Variants in GLI2 observed in about 807,000 individuals in gnomAD.
The protein encoded by GLI2 is transcription activator GLI2.
In GLI2, 22 loss-of-function variants were observed where a neutral mutation model predicts 78.9. The ratio of observed to expected loss-of-function variants is 0.28; its 90% CI spans 0.20 to 0.40. The LOEUF (loss-of-function observed/expected upper bound fraction) is 0.40, where lower values mean the gene tolerates loss of function less well. Among genes scored for constraint, GLI2 ranks in the 10% least tolerant of loss-of-function variants. The probability of loss-of-function intolerance (pLI) is 1.00; values close to 1 mark genes in which losing one functional copy is unlikely to be tolerated. For synonymous variants in GLI2, 974 were observed against 963.7 expected, an observed-to-expected ratio of 1.01 and a Z score of -0.20; for missense variants, 2,097 against 2,213.2, an observed-to-expected ratio of 0.95 and a Z score of 1.05.
chr2:120,755,029 T>G lies in GLI2; in HGVS notation c.-31+18744T>G, dbSNP rs145388229. ...ACCATGCCCAGCTAATTTTTGTATTTTTAGTAGAGACGGGTTTCACCATGT... is the reference window on the plus strand; with the variant it reads ...ACCATGCCCAGCTAATTTTTGTATTGTTAGTAGAGACGGGTTTCACCATGT... On this transcript the variant is annotated intron_variant, in intron 1 of 13. Coordinates refer to ENST00000361492, the MANE Select transcript of GLI2 (RefSeq NM_001374353.1). Among the ~76,000 whole-genome samples, 625 of 152,188 alleles carry G rather than the reference T, an allele frequency of 4.1e-3. 6 individuals are homozygous for G. The highest frequency in any genetic ancestry group is 0.014 in the African/African-American group (590 of 41,510).
intron 2 of GLI2, among the ~76,000 whole-genome samples, chr2:120,917,085 G>C (rs1679139499): frequency 6.6e-6 from 1 of 152,230 alleles, no homozygotes; most frequent in East Asian, 1.9e-4. Flanking sequence ...CCTTAGCCAT[G>C]CAAACAGCAA....
intron 1 of GLI2, among the ~76,000 whole-genome samples, chr2:120,756,393 GC>G: frequency 6.6e-6 from 1 of 151,928 alleles, no homozygotes. Flanking sequence ...TATTTATATT[GC>G]TTTTATATCC....
At chr2:120,898,156 T>A (rs907418325) in intron 2 of GLI2, among the ~76,000 whole-genome samples, 13 of 142,920 alleles carry the variant, frequency 9.1e-5, no homozygotes, top group African/African-American at 3.5e-4. Flanking sequence ...CGCAATGGCA[T>A]AAGGCACTGA....
intron 1 of GLI2, among the ~76,000 whole-genome samples, chr2:120,764,640 G>A (rs566675175): frequency 2.6e-5 from 4 of 152,298 alleles, no homozygotes; most frequent in South Asian, 2.1e-4. Flanking sequence ...TCCCCTTTGC[G>A]CAGGCTGCTG....
chr2:120,767,079 G>A (rs1271021061), intron 1 of GLI2, among the ~76,000 whole-genome samples: 3 of 152,206 alleles, frequency 2.0e-5, no homozygotes, highest in Admixed American at 6.5e-5. Context: ...CGAAATTGCC[G>A]GGAAGGCCCG....
chr2:120,818,442 T>C (rs748934536), intron 2 of GLI2, among the ~76,000 whole-genome samples: 7 of 152,196 alleles, frequency 4.6e-5, no homozygotes, highest in Non-Finnish European at 8.8e-5. Context: ...CTGGGTGCAT[T>C]TAGTGCAGAC....
intron 1 of GLI2, 51 bp from the exon 2 acceptor site, chr2:120,797,240 C>G: frequency 6.8e-7 from 1 of 1,466,024 alleles, no homozygotes; most frequent in Non-Finnish European, 9.6e-7. Context: ...TCGGCGTTTC[C>G]CGGCTGGGTT....
Position 120,760,933 on chromosome 2 carries a change from C to T in GLI2, c.-31+24648C>T, listed in dbSNP as rs114591182. On this transcript the variant is annotated intron_variant, in intron 1 of 13. Transcript: ENST00000361492. ...TCTTGCGCAATCCTGCTGGGCAGCC[C>T]AGTGACTGTGAGGTCTGCTGAGGTG... 2.9e-3 allele frequency among the ~76,000 whole-genome samples: 446 copies of T among 152,294 alleles called. 3 individuals are homozygous for T. The highest frequency in any genetic ancestry group is 1.0e-2 in the African/African-American group (415 of 41,552).
At chr2:120,978,338 TGG>T in intron 9 of GLI2, 94 bp from the exon 10 acceptor site, 1 of 1,336,614 alleles carries the variant, frequency 7.5e-7, no homozygotes, top group African/African-American at 1.6e-5. Context: ...CGGGGAGGGC[TGG>T]GGGGGTGCCG....
chr2:120,855,053 C>T (rs557112880), intron 2 of GLI2, among the ~76,000 whole-genome samples: 1 of 152,358 alleles, frequency 6.6e-6, no homozygotes, highest in South Asian at 2.1e-4. Flanking sequence ...CTGATTTCCT[C>T]ATCTAATTTG....
chr2:120,836,987 T>A (rs375718221), intron 2 of GLI2, among the ~76,000 whole-genome samples: 108 of 152,332 alleles, frequency 7.1e-4, no homozygotes, highest in African/African-American at 2.5e-3. Context: ...TTTTGCAACG[T>A]ATTGGACGTT....
In GLI2 at chr2:120,797,351, G is replaced by A. The variant is rs574656730; in HGVS notation, c.31G>A (p.Glu11Lys). The A allele has an allele frequency of 1.3e-5, 21 of 1,614,086 alleles. No individual in the cohort carries two copies. In the Middle Eastern group the frequency reaches 6.6e-4, roughly 51 times the overall value. Reference sequence around the variant, plus strand: ...GACGTCTGCCTCAGCCACTGCCTCCGAGAAGCAAGAAGCCAAAAGTGGGAT... The same window carrying A: ...GACGTCTGCCTCAGCCACTGCCTCCAAGAAGCAAGAAGCCAAAAGTGGGAT... METSASATAS[E>K]KQEAKSGILE... is the part of the protein sequence containing the mutation. Residue 11 changes from glutamate (E) to lysine (K), a missense_variant, in exon 2 of 14, where the codon GAG becomes AAG. By Grantham distance (56) the Glu-to-Lys change is moderately conservative. Coordinates refer to ENST00000361492, the MANE Select transcript of GLI2 (RefSeq NM_001374353.1).
At chr2:120,883,479 C>T (rs934793766) in intron 2 of GLI2, among the ~76,000 whole-genome samples, 1 of 152,168 alleles carries the variant, frequency 6.6e-6, no homozygotes, top group Admixed American at 6.5e-5. Context: ...AGAGCGAAAC[C>T]TTGTCTCAAA....
chr2:120,759,312 G>T (rs1336776487), intron 1 of GLI2, among the ~76,000 whole-genome samples: 1 of 152,130 alleles, frequency 6.6e-6, no homozygotes, highest in Non-Finnish European at 1.5e-5. Context: ...CCCACAGGTT[G>T]AGAGCTCAGT....
At position 120,971,976 on chromosome 2, in the gene GLI2, C is replaced by T. The variant is rs374705620; in HGVS notation, c.1095C>T (p.Thr365=). Residue 365 remains threonine, a synonymous_variant, in exon 8 of 14, where the codon ACC becomes ACT. Transcript: ENST00000361492. ...GCAGTGAGTCGGCCGTCAGCAGCAC[C>T]GTCAACCCTGTCGCCATTCACAAGC... ...KQSSESAVSS[T]VNPVAIHKRS... The T allele has an allele frequency of 2.8e-5, 45 of 1,613,458 alleles. No homozygotes were observed. The highest frequency in any genetic ancestry group is 8.9e-5 in the East Asian group (4 of 44,898).
At chr2:120,804,642 C>A (rs746345) in intron 2 of GLI2, among the ~76,000 whole-genome samples, 74,775 of 152,114 alleles carry the variant, frequency 0.49, 21,438 homozygotes, top group South Asian at 0.7. Context: ...ATTTTCAGGA[C>A]GGCTGTTGAT....
intron 4 of GLI2, among the ~76,000 whole-genome samples, chr2:120,952,143 A>G (rs1681026113): frequency 6.6e-6 from 1 of 152,262 alleles, no homozygotes. Flanking sequence ...TTTAGGGGCC[A>G]GTCCCACCAT....
chr2:120,888,375 A>T (rs188353426), intron 2 of GLI2, among the ~76,000 whole-genome samples: 4 of 152,324 alleles, frequency 2.6e-5, no homozygotes, highest in Non-Finnish European at 5.9e-5. Flanking sequence ...AGTTCTCTCA[A>T]TCTCATCGTC....
intron 2 of GLI2, among the ~76,000 whole-genome samples, chr2:120,825,628 CTG>C (rs1188248000): frequency 7.9e-5 from 12 of 151,916 alleles, no homozygotes; most frequent in African/African-American, 2.9e-4. Context: ...ATGCACCTGA[CTG>C]TGAGCGTGCA....
Sources: allele counts gnomAD v4.1 joint callset (sites outside exome capture counted in the v4.1 genomes callset), GRCh38; gene constraint gnomAD v4.1.1; transcripts MANE v1.5; gene names NCBI Gene and HGNC (gene_info 2026-07-23, HGNC 2026-07-21).